IGF1R: variants seen among roughly 807,000 people sequenced by gnomAD.
IGF1R encodes insulin like growth factor 1 receptor, also known as insulin-like growth factor 1 receptor.
In IGF1R, 44 loss-of-function variants were observed where a neutral mutation model predicts 144.6. The ratio of observed to expected loss-of-function variants is 0.30; its 90% CI spans 0.24 to 0.39. The LOEUF is 0.39. Ranked by LOEUF, IGF1R falls within the 10% of genes least tolerant of loss-of-function variation. IGF1R has a pLI of 1.00. For missense variants in IGF1R, 1,355 were observed against 1,833.7 expected (o/e 0.74, Z 4.77); for synonymous variants, 795 against 722.8 (o/e 1.10, Z -1.60).
chr15:98,652,037 G>A (rs1412972167), intron 1 of IGF1R, among the ~76,000 whole-genome samples: 1 of 152,240 alleles, frequency 6.6e-6, no homozygotes, highest in Non-Finnish European at 1.5e-5. Flanking sequence ...AAGACAGGGT[G>A]TTGGTTCAGT....
In IGF1R at chr15:98,809,521, C is replaced by T. The variant is rs1024127974; in HGVS notation, c.641-81804C>T. On this transcript the variant is annotated intron_variant, in intron 2 of 20. Coordinates refer to ENST00000650285, the MANE Select transcript of IGF1R (RefSeq NM_000875.5). The stretch of plus-strand genomic sequence containing the variant: ...CTACCGGGCAAGAAACGTGAACCAC[C>T]GCAGTGAACTGGCAGCGCGTTGGCA... Among the ~76,000 whole-genome samples, 6 of 152,158 alleles carry T rather than the reference C, an allele frequency of 3.9e-5. No individual in the cohort carries two copies. In the East Asian group the frequency reaches 9.6e-4, roughly 24 times the overall value.
At chr15:98,763,573 G>A (rs576668904) in intron 2 of IGF1R, among the ~76,000 whole-genome samples, 13 of 151,952 alleles carry the variant, frequency 8.6e-5, no homozygotes, top group Middle Eastern at 3.4e-3. Context: ...ATTGTAAACC[G>A]TGTTAACAGG....
intron 2 of IGF1R, among the ~76,000 whole-genome samples, chr15:98,790,098 C>T (rs2056094434): frequency 6.6e-6 from 1 of 152,102 alleles, no homozygotes; most frequent in Non-Finnish European, 1.5e-5. Flanking sequence ...TGGAAAGAGG[C>T]CGGGACAGGT....
intron 2 of IGF1R, among the ~76,000 whole-genome samples, chr15:98,848,481 C>T (rs998728539): frequency 1.3e-5 from 2 of 152,304 alleles, no homozygotes; most frequent in East Asian, 1.9e-4. Context: ...AGTCAGCTTC[C>T]GTCATTGTTA....
At chr15:98,726,145 G>A (rs2054355005) in intron 2 of IGF1R, among the ~76,000 whole-genome samples, 5 of 152,214 alleles carry the variant, frequency 3.3e-5, no homozygotes, top group Admixed American at 2.6e-4. Context: ...TCTGTAGGGT[G>A]GATATGGATA....
At chr15:98,916,930 C>T (rs1372001636) in intron 10 of IGF1R, 54 bp downstream of exon 10, 3 of 1,492,326 alleles carry the variant, frequency 2.0e-6, no homozygotes, top group African/African-American at 1.4e-5. Context: ...CAGGCCGGTT[C>T]TGTTGCCTTT....
intron 2 of IGF1R, among the ~76,000 whole-genome samples, chr15:98,816,286 T>C (rs1198236977): frequency 6.6e-6 from 1 of 152,256 alleles, no homozygotes; most frequent in Non-Finnish European, 1.5e-5. Flanking sequence ...CAGTACCTTG[T>C]GCATATCAGG....
In IGF1R at chr15:98,932,506, G is replaced by A. The variant is rs1002771893; in HGVS notation, c.2956+2201G>A. Among the ~76,000 whole-genome samples the A allele has an allele frequency of 4.6e-5, 7 of 152,186 alleles. No individual in the cohort carries two copies. In the East Asian group the frequency reaches 1.4e-3, roughly 29 times the overall value. On this transcript the variant is annotated intron_variant, in intron 15 of 20. Transcript: ENST00000650285. ...GCCGTTGGGTTGAATCGAGAGAAAAGGATTGAGCGTATTGACTTCAGGGAC... is the reference window on the plus strand; with the variant it reads ...GCCGTTGGGTTGAATCGAGAGAAAAAGATTGAGCGTATTGACTTCAGGGAC...
chr15:98,739,060 A>G (rs1270627314), intron 2 of IGF1R, among the ~76,000 whole-genome samples: 2 of 152,184 alleles, frequency 1.3e-5, no homozygotes, highest in Non-Finnish European at 2.9e-5. Context: ...TGCTTTAAAA[A>G]CATTGGTTAT....
intron 2 of IGF1R, among the ~76,000 whole-genome samples, chr15:98,766,185 C>T (rs1324798503): frequency 1.3e-5 from 2 of 152,184 alleles, no homozygotes; most frequent in African/African-American, 2.4e-5. Context: ...AAAGGTTTTT[C>T]ATTGAATCAG....
At chr15:98,920,857 C>T (rs1438278187) in intron 10 of IGF1R, among the ~76,000 whole-genome samples, 1 of 152,196 alleles carries the variant, frequency 6.6e-6, no homozygotes, top group Non-Finnish European at 1.5e-5. Flanking sequence ...ACTGGGGAGC[C>T]TCAGAGGCCC....
chr15:98,821,794 T>C (rs979150037), intron 2 of IGF1R, among the ~76,000 whole-genome samples: 4 of 152,112 alleles, frequency 2.6e-5, no homozygotes, highest in Non-Finnish European at 5.9e-5. Context: ...GAGCCAAGAC[T>C]AGAAGTGTTG....
chr15:98,800,849 T>C (rs1283673577), intron 2 of IGF1R, among the ~76,000 whole-genome samples: 1 of 152,182 alleles, frequency 6.6e-6, no homozygotes, highest in African/African-American at 2.4e-5. Context: ...AGAGGGCTTG[T>C]GTTACAGCAG....
chr15:98,771,307 TTTG>T (rs149355063), intron 2 of IGF1R, among the ~76,000 whole-genome samples: 174 of 152,222 alleles, frequency 1.1e-3, no homozygotes, highest in Admixed American at 2.0e-3. Context: ...ACTTAGGATT[TTTG>T]TTGTTGTTGT....
chr15:98,793,173 C>A (rs952344204), intron 2 of IGF1R, among the ~76,000 whole-genome samples: 4 of 152,096 alleles, frequency 2.6e-5, no homozygotes, highest in African/African-American at 9.7e-5. Context: ...TGTGAAGGTT[C>A]TTTGTCAAAA....
At position 98,957,321 on chromosome 15, in the gene IGF1R, G is replaced by A. The variant is rs1368444933; in HGVS notation, c.3983G>A (p.Gly1328Asp). 1 of 1,612,502 alleles carries A rather than the reference G, an allele frequency of 6.2e-7. No homozygotes were observed. The highest frequency in any genetic ancestry group is 1.1e-5 in the South Asian group (1 of 91,030). Residue 1328 changes from glycine to aspartate, a missense_variant, in exon 21 of 21, where the codon GGC (glycine) becomes GAC (aspartate). By Grantham distance (94) the Gly-to-Asp change is moderately conservative. This residue lies in a region of IGF1R where 219 missense variants were observed against 188.8 expected (regional missense o/e 1.16). Coordinates refer to ENST00000650285, the MANE Select transcript of IGF1R (RefSeq NM_000875.5). Reference sequence around the variant, plus strand: ...CACTCAGGACACAAGGCCGAGAACGGCCCCGGCCCTGGGGTGCTGGTCCTC... The same window carrying A: ...CACTCAGGACACAAGGCCGAGAACGACCCCGGCCCTGGGGTGCTGGTCCTC... ...DRHSGHKAEN[G>D]PGPGVLVLRA...
intron 15 of IGF1R, among the ~76,000 whole-genome samples, 168 bp from the exon 16 acceptor site, chr15:98,934,656 A>T (rs989026535): frequency 1.3e-5 from 2 of 152,198 alleles, no homozygotes; most frequent in East Asian, 1.9e-4. Flanking sequence ...TTCTTACTCA[A>T]ATCTATAGCA....
chr15:98,656,410 G>T (rs982036097), intron 1 of IGF1R, among the ~76,000 whole-genome samples: 1 of 152,188 alleles, frequency 6.6e-6, no homozygotes, highest in Non-Finnish European at 1.5e-5. Context: ...TTAACCGGGC[G>T]TGGTGGCCCG....
chr15:98,695,799 G>A (rs923241583), intron 1 of IGF1R, among the ~76,000 whole-genome samples: 3 of 152,102 alleles, frequency 2.0e-5, no homozygotes, highest in East Asian at 1.9e-4. Flanking sequence ...CTCCAGCAGG[G>A]TCATAAAGAG....
Sources: allele counts gnomAD v4.1 joint callset (sites outside exome capture counted in the v4.1 genomes callset), GRCh38; gene constraint gnomAD v4.1.1; regional missense constraint gnomAD v4.1.1; transcripts MANE v1.5; gene names NCBI Gene and HGNC (gene_info 2026-07-23, HGNC 2026-07-21).